Variants in AP3D1 observed in about 807,000 individuals in gnomAD.
AP3D1 encodes the protein AP-3 complex subunit delta-1.
AP3D1 carries 51 observed loss-of-function variants against 147.6 expected under a neutral mutation model. That is an observed-to-expected ratio of 0.35 (90% CI 0.28 to 0.44). AP3D1 has a LOEUF of 0.44. AP3D1 is among the 20% of genes least tolerant of loss of function. The pLI is 1.00. For synonymous variants in AP3D1, 760 were observed against 663.0 expected, an observed-to-expected ratio of 1.15 and a Z score of -2.25; for missense variants, 1,421 against 1,624.2, an observed-to-expected ratio of 0.87 and a Z score of 2.15.
At chr19:2,114,339 C>T (rs752008629) in intron 21 of AP3D1, 37 bp from the exon 22 acceptor site, 4 of 1,561,694 alleles carry the variant, frequency 2.6e-6, no homozygotes, top group South Asian at 2.2e-5. Context: ...ATCAGCACCA[C>T]TGGCCACCCC....
Position 2,161,943 on chromosome 19 carries a change from C to CAATAAATA in AP3D1, c.-103+2405_-103+2412dup, listed in dbSNP as rs200473884. On this transcript the variant is annotated intron_variant, in intron 1 of 14. Coordinates refer to the AP3D1 transcript ENST00000643010. ...AGCCTAGGCGAGAGTAAGACTATGT[C>CAATAAATA]AATAAATAAATAAATAAATAAATAA... Among the ~76,000 whole-genome samples, 16 of 148,150 alleles carry CAATAAATA rather than the reference C, an allele frequency of 1.1e-4. No homozygotes were observed. In the East Asian group the frequency reaches 1.2e-3, roughly 11 times the overall value.
intron 8 of AP3D1, among the ~76,000 whole-genome samples, chr19:2,128,009 G>A (rs1226948932): frequency 6.6e-6 from 1 of 152,212 alleles, no homozygotes; most frequent in Non-Finnish European, 1.5e-5. Context: ...CTGCTCACAT[G>A]GTGAAATGTA....
chr19:2,164,116 C>T (rs1409130757), intron 1 of AP3D1: 4 of 462,900 alleles, frequency 8.6e-6, no homozygotes, highest in Admixed American at 6.4e-5. Flanking sequence ...CGCCCTCCTC[C>T]GCCCACCGGC....
Position 2,156,646 on chromosome 19 carries a change from C to T in AP3D1, c.-103+7710G>A, listed in dbSNP as rs564762778. 3.9e-5 allele frequency among the ~76,000 whole-genome samples: 6 copies of T among 152,018 alleles called. No individual in the cohort carries two copies. In the South Asian group the frequency reaches 8.3e-4, roughly 21 times the overall value. On this transcript the variant is annotated intron_variant, in intron 1 of 14. Coordinates refer to the AP3D1 transcript ENST00000643010. ...CGGGTGGATCATGGGGTCAGGAGAT[C>T]GAGACCATCCTGGCTAACACAGTGA...
intron 11 of AP3D1, 104 bp downstream of exon 11, chr19:2,123,254 G>C: frequency 8.6e-7 from 1 of 1,167,534 alleles, no homozygotes; most frequent in Non-Finnish European, 1.3e-6. Context: ...GGAGACAGCT[G>C]GGGTTGCAGA....
intron 1 of AP3D1, among the ~76,000 whole-genome samples, chr19:2,157,767 C>T (rs1599507322): frequency 6.6e-6 from 1 of 151,714 alleles, no homozygotes; most frequent in Non-Finnish European, 1.5e-5. Flanking sequence ...TGAGTATCTA[C>T]TGTATGCCAC....
At position 2,151,535 on chromosome 19, in the gene AP3D1, G is replaced by A. The variant is rs190085130; in HGVS notation, c.-201C>T. The A allele has an allele frequency of 8.5e-3, 1,400 of 165,244 alleles. 19 individuals are homozygous for A. Among genetic ancestry groups the A allele is most frequent in the Middle Eastern group, 0.012 (4 of 334 alleles). The allele number at this position is 165,244 out of a possible 1,614,324, so 10.2% of individuals were successfully genotyped here. A position where few individuals can be genotyped will look rare whatever the true frequency, so the allele number is the denominator to read the frequency against. ...CGGCAGGTGCCGCGATCCCGCTCCG[G>A]GCCCCTTGCAAATGGCGGACAAGAT... On this transcript the variant is annotated 5_prime_UTR_variant, in exon 1 of 32. Transcript: ENST00000643116.
chr19:2,146,919 G>A (rs556962798), intron 1 of AP3D1, among the ~76,000 whole-genome samples: 1 of 152,314 alleles, frequency 6.6e-6, no homozygotes, highest in South Asian at 2.1e-4. Context: ...GGGTGGGGGC[G>A]GGGATGCTGC....
Position 2,110,767 on chromosome 19 carries a change from C to A in AP3D1, c.3115G>T (p.Ala1039Ser). 1.2e-6 allele frequency: 2 copies of A among 1,612,438 alleles called. No individual in the cohort carries two copies. Among genetic ancestry groups the A allele is most frequent in the Non-Finnish European group, 1.7e-6 (2 of 1,179,850 alleles). The change falls in exon 27 of 32, where the codon GCC becomes TCC. Residue 1039 changes from alanine (A) to serine (S), a missense_variant. Physicochemically the swap from Ala to Ser is moderately conservative, Grantham distance 99. This residue lies in a region of AP3D1 where 791 missense variants were observed against 761.4 expected (regional missense o/e 1.04). Coordinates refer to ENST00000643116, the MANE Select transcript of AP3D1 (RefSeq NM_001261826.3). Reference protein sequence around the residue: ...SVLDSLNARMARPQGSSVHDG... With the variant: ...SVLDSLNARMSRPQGSSVHDG... ...TGGACGGAGGAGCCCTGCGGCCGGG[C>A]CATCCTGGCATTGAGTGAGTCCAGC...
intron 31 of AP3D1, among the ~76,000 whole-genome samples, chr19:2,104,599 G>A (rs562273549): frequency 9.4e-5 from 14 of 149,514 alleles, no homozygotes; most frequent in Non-Finnish European, 8.9e-5. Flanking sequence ...AGACCCCAAC[G>A]TGCAGACCCC....
chr19:2,144,523 A>G (rs184969517), intron 1 of AP3D1, among the ~76,000 whole-genome samples: 65 of 152,246 alleles, frequency 4.3e-4, no homozygotes, highest in African/African-American at 1.5e-3. Flanking sequence ...TGCCTAGTCC[A>G]GCCCCAGCCC....
rs760479001 is a variant in AP3D1, at chr19:2,108,802, A to G, written c.3473-36T>C. ...GCGGGCAGTGTTAGGCTTCCCGGACATTGCATGGCTGCAGCCCCACCCCCA... is the reference window on the plus strand; with the variant it reads ...GCGGGCAGTGTTAGGCTTCCCGGACGTTGCATGGCTGCAGCCCCACCCCCA... On this transcript the variant is annotated intron_variant, in intron 30 of 31. Transcript: ENST00000643116. 4 of 1,548,284 alleles carry G rather than the reference A, an allele frequency of 2.6e-6. No individual in the cohort carries two copies. The South Asian group carries it at 3.6e-5, about 14-fold the overall frequency.
intron 6 of AP3D1, among the ~76,000 whole-genome samples, 179 bp downstream of exon 6, chr19:2,130,229 C>G (rs2018899736): frequency 6.6e-6 from 1 of 152,180 alleles, no homozygotes; most frequent in South Asian, 2.1e-4. Flanking sequence ...CCCCCACCAC[C>G]AGCACCTCCC....
intron 1 of AP3D1, among the ~76,000 whole-genome samples, chr19:2,148,132 G>A (rs1299736429): frequency 1.5e-5 from 2 of 135,504 alleles, no homozygotes; most frequent in Admixed American, 8.0e-5. Flanking sequence ...GGGGGACAGA[G>A]CAAGACTCCG....
intron 25 of AP3D1, 72 bp downstream of exon 25, chr19:2,111,607 G>C: frequency 6.7e-7 from 1 of 1,498,298 alleles, no homozygotes; most frequent in Non-Finnish European, 9.0e-7. Context: ...CATGGAGGCT[G>C]CAGGAGTGGG....
chr19:2,110,875 G>C lies in AP3D1; in HGVS notation c.3007C>G (p.Leu1003Val). The change falls in exon 27 of 32, where the codon CTG becomes GTG. Residue 1003 changes from leucine to valine, a missense_variant. Coordinates refer to ENST00000643116, the MANE Select transcript of AP3D1 (RefSeq NM_001261826.3). The stretch of plus-strand genomic sequence containing the variant: ...ACAGTGACCTGGCTGTCCTCCTGCA[G>C]ACTGCCCCGGATGTCACAGGTCTGC... ...VKMTCDIRGS[L>V]QEDSQVTVAI... The C allele has an allele frequency of 5.6e-6, 9 of 1,613,190 alleles. No homozygotes were observed. Among genetic ancestry groups the C allele is most frequent in the Non-Finnish European group, 7.6e-6 (9 of 1,179,980 alleles).
Position 2,130,390 on chromosome 19 carries a change from T to A in AP3D1, c.592+18A>T, listed in dbSNP as rs1387176141. ...AGCCCCCACCCTCAACCCTGAGGCT[T>A]AACTCAAATCCACAAACCGGGGTCG... On this transcript the variant is annotated intron_variant, in intron 6 of 31. Transcript: ENST00000643116. 6.2e-7 allele frequency: 1 copy of A among 1,613,650 alleles called. No individual in the cohort carries two copies. The highest frequency in any genetic ancestry group is 1.1e-5 in the South Asian group (1 of 91,074).
intron 1 of AP3D1, among the ~76,000 whole-genome samples, chr19:2,157,434 TC>T (rs2019655253): frequency 1.5e-5 from 1 of 65,744 alleles, no homozygotes; most frequent in Non-Finnish European, 2.5e-5. Flanking sequence ...AGAGCGAGAC[TC>T]CGTCTCAAAA....
chr19:2,158,958 G>A (rs575654990), intron 1 of AP3D1, among the ~76,000 whole-genome samples: 3 of 152,134 alleles, frequency 2.0e-5, no homozygotes, highest in East Asian at 3.9e-4. Flanking sequence ...AAATGGAGTC[G>A]TCTAGGTCAG....
Sources: allele counts gnomAD v4.1 joint callset (sites outside exome capture counted in the v4.1 genomes callset), GRCh38; gene constraint gnomAD v4.1.1; regional missense constraint gnomAD v4.1.1; transcripts MANE v1.5; gene names NCBI Gene and HGNC (gene_info 2026-07-23, HGNC 2026-07-21).